Variants in AHNAK observed in about 807,000 individuals in gnomAD.
AHNAK encodes AHNAK nucleoprotein.
In AHNAK, 23 loss-of-function variants were observed where a neutral mutation model predicts 37.8. That is an observed-to-expected ratio of 0.61 (90% confidence interval 0.44 to 0.86). The LOEUF (loss-of-function observed/expected upper bound fraction) is 0.86, where lower values mean the gene tolerates loss of function less well. Among genes scored for constraint, AHNAK ranks in the 40% least tolerant of loss-of-function variants. The pLI is 0.00. For synonymous variants in AHNAK, 2,481 were observed against 2,636.3 expected (o/e 0.94, Z 1.80); for missense variants, 7,411 against 7,319.4 (o/e 1.01, Z -0.46).
At position 62,521,204 on chromosome 11, in the gene AHNAK, C is replaced by T. The variant is rs1440798130; in HGVS notation, c.13213G>A (p.Val4405Ile). Residue 4405 changes from valine (V) to isoleucine (I), a missense_variant, in exon 5 of 5, where the codon GTC (valine) becomes ATC (isoleucine). Coordinates refer to ENST00000378024, the MANE Select transcript of AHNAK (RefSeq NM_001620.3). Reference protein sequence around the residue: ...KGPKVKGDVDVSLPKVEGDLK... With the variant: ...KGPKVKGDVDISLPKVEGDLK... Reference sequence around the variant, plus strand: ...TCACCTTCCACTTTGGGCAGAGAGACATCCACATCACCTTTCACTTTGGGA... The same window carrying T: ...TCACCTTCCACTTTGGGCAGAGAGATATCCACATCACCTTTCACTTTGGGA... The T allele has an allele frequency of 3.1e-6, 5 of 1,614,048 alleles. No individual in the cohort carries two copies. The South Asian group carries it at 5.5e-5, about 18-fold the overall frequency.
intron 5 of AHNAK, among the ~76,000 whole-genome samples, chr11:62,483,601 G>T (rs1406521699): frequency 1.3e-5 from 2 of 151,522 alleles, no homozygotes; most frequent in African/African-American, 2.4e-5. Flanking sequence ...GCTCACGCCT[G>T]TAATCCCAGC....
At chr11:62,437,709 G>A (rs1395375899) in intron 5 of AHNAK, among the ~76,000 whole-genome samples, 1 of 152,146 alleles carries the variant, frequency 6.6e-6, no homozygotes, top group Non-Finnish European at 1.5e-5. Flanking sequence ...TTGTACAGCA[G>A]GCATATCTAT....
chr11:62,451,927 C>T (rs1315951171), intron 5 of AHNAK, among the ~76,000 whole-genome samples: 1 of 151,274 alleles, frequency 6.6e-6, no homozygotes, highest in African/African-American at 2.4e-5. Flanking sequence ...CCTGCCTCAG[C>T]CTCCCGAGTA....
Position 62,526,709 on chromosome 11 carries a change from G to T in AHNAK, c.7708C>A (p.Pro2570Thr). The T allele has an allele frequency of 6.2e-7, 1 of 1,612,408 alleles. No individual in the cohort carries two copies. Among genetic ancestry groups the T allele is most frequent in the East Asian group, 2.2e-5 (1 of 44,750 alleles). Reference protein sequence around the residue: ...GKLKGPKLKMPEMNIKAPKIS... With the variant: ...GKLKGPKLKMTEMNIKAPKIS... ...TTGGGGGCTTTGATGTTCATCTCTGGCATCTTTAACTTAGGCCCTTTCAAC... is the reference window on the plus strand; with the variant it reads ...TTGGGGGCTTTGATGTTCATCTCTGTCATCTTTAACTTAGGCCCTTTCAAC... The change falls in exon 5 of 5, where the codon CCA becomes ACA. Residue 2570 changes from proline (P) to threonine (T), a missense_variant. Transcript: ENST00000378024.
intron 5 of AHNAK, among the ~76,000 whole-genome samples, chr11:62,482,460 G>A (rs999475388): frequency 6.6e-6 from 1 of 151,930 alleles, no homozygotes; most frequent in Admixed American, 6.6e-5. Context: ...GAGCCCCCCT[G>A]GGTTCAAATA....
At chr11:62,482,212 C>T (rs566633015) in intron 5 of AHNAK, among the ~76,000 whole-genome samples, 4 of 152,136 alleles carry the variant, frequency 2.6e-5, no homozygotes, top group Non-Finnish European at 4.4e-5. Context: ...GCCCGGAGTT[C>T]GAGACCATCC....
At chr11:62,493,180 T>C (rs1420753587) in intron 4 of AHNAK, among the ~76,000 whole-genome samples, 1 of 150,420 alleles carries the variant, frequency 6.6e-6, no homozygotes, top group Non-Finnish European at 1.5e-5. Context: ...GCCCAGCTAA[T>C]TTTTAGTATT....
At chr11:62,433,742 G>A (rs1343146825) in exon 6 of AHNAK, 12 of 1,207,184 alleles carry the variant, frequency 9.9e-6, no homozygotes, top group Non-Finnish European at 1.3e-5. Flanking sequence ...CCGAAAAGCC[G>A]CCTCGCGGAA....
intron 5 of AHNAK, among the ~76,000 whole-genome samples, chr11:62,470,567 C>T (rs1402448136): frequency 3.9e-5 from 6 of 152,276 alleles, no homozygotes; most frequent in Non-Finnish European, 8.8e-5. Flanking sequence ...GATCGCGCCA[C>T]TGCACTCCAG....
At chr11:62,472,733 C>T (rs562500351) in intron 5 of AHNAK, among the ~76,000 whole-genome samples, 5 of 152,168 alleles carry the variant, frequency 3.3e-5, no homozygotes, top group Admixed American at 2.6e-4. Flanking sequence ...AAGCCAGACA[C>T]AAAAAGACAA....
chr11:62,498,104 C>T (rs948932921), intron 4 of AHNAK, among the ~76,000 whole-genome samples: 3 of 152,170 alleles, frequency 2.0e-5, no homozygotes, highest in Non-Finnish European at 1.5e-5. Context: ...CATGGAACAT[C>T]TCCAAAACGT....
Position 62,518,004 on chromosome 11 carries a change from G to T in AHNAK, c.16413C>A (p.Ile5471=), listed in dbSNP as rs755846926. ...VKGSLGATGE[I]KGPTVGGGLP... ...GACCTCCTCCGACAGTGGGGCCTTT[G>T]ATCTCACCAGTGGCCCCAAGGCTCC... The change falls in exon 5 of 5, where the codon ATC becomes ATA. Residue 5471 remains isoleucine, a synonymous_variant. Transcript: ENST00000378024. 2 of 1,614,160 alleles carry T rather than the reference G, an allele frequency of 1.2e-6. No individual in the cohort carries two copies. The highest frequency in any genetic ancestry group is 1.7e-6 in the Non-Finnish European group (2 of 1,180,038).
intron 4 of AHNAK, among the ~76,000 whole-genome samples, chr11:62,492,025 T>A (rs1939513041): frequency 6.6e-6 from 1 of 152,044 alleles, no homozygotes; most frequent in Non-Finnish European, 1.5e-5. Context: ...TAACAGAGAA[T>A]CTTTAGAAGA....
chr11:62,532,854 A>G lies in AHNAK; in HGVS notation c.1563T>C (p.Ser521=), dbSNP rs1177133475. Residue 521 remains serine, a synonymous_variant, in exon 5 of 5, where the codon TCT becomes TCC. Coordinates refer to ENST00000378024, the MANE Select transcript of AHNAK (RefSeq NM_001620.3). ...TAACATCACCTTGCACCCCAGGAGC[A>G]GAAACCTTAATATCTCCTTTCAGTT... ...SPKLKGDIKV[S]APGVQGDVKG... The G allele has an allele frequency of 2.5e-6, 4 of 1,614,122 alleles. No individual in the cohort carries two copies. In the Admixed American group the frequency reaches 6.7e-5, roughly 27 times the overall value.
At chr11:62,473,892 C>A (rs149913034) in intron 5 of AHNAK, among the ~76,000 whole-genome samples, 1 of 151,148 alleles carries the variant, frequency 6.6e-6, no homozygotes, top group Non-Finnish European at 1.5e-5. Context: ...CTCAGCTACT[C>A]GGGAGGCTAA....
At chr11:62,505,205 C>T (rs544085944) in intron 4 of AHNAK, among the ~76,000 whole-genome samples, 1 of 152,214 alleles carries the variant, frequency 6.6e-6, no homozygotes, top group South Asian at 2.1e-4. Flanking sequence ...GTCTTCTTTC[C>T]CACTTGCTCG....
At chr11:62,475,841 G>T (rs1474850777) in intron 5 of AHNAK, among the ~76,000 whole-genome samples, 1 of 151,854 alleles carries the variant, frequency 6.6e-6, no homozygotes, top group African/African-American at 2.4e-5. Flanking sequence ...CTGACCTCAG[G>T]TGATCCGCCC....
In AHNAK at chr11:62,532,482, A is replaced by G; in HGVS notation, c.1935T>C (p.Gly645=). 6.2e-7 allele frequency: 1 copy of G among 1,612,286 alleles called. No homozygotes were observed. The highest frequency in any genetic ancestry group is 8.5e-7 in the Non-Finnish European group (1 of 1,179,530). The change falls in exon 5 of 5, where the codon GGT becomes GGC. Residue 645 remains glycine (G), a synonymous_variant. Coordinates refer to ENST00000378024, the MANE Select transcript of AHNAK (RefSeq NM_001620.3). ...TGGGTAGAGTCATATGAACATCTGG[A>G]CCTTCCCCTTTGGCTCCTGGAGTGC... ...TFSTPGAKGE[G]PDVHMTLPKG...
Position 62,531,951 on chromosome 11 carries a change from A to G in AHNAK, c.2466T>C (p.Asp822=), listed in dbSNP as rs1220936342. The part of the protein sequence containing the change: ...NIKVPKISMP[D]VDLHLKGPNV... ...TAGGGCCTTTCAGATGTAAGTCCAC[A>G]TCAGGCATGGAGATCTTGGGGACTT... The change falls in exon 5 of 5, where the codon GAT becomes GAC. Residue 822 remains aspartate, a synonymous_variant. Coordinates refer to ENST00000378024, the MANE Select transcript of AHNAK (RefSeq NM_001620.3). The G allele has an allele frequency of 6.2e-7, 1 of 1,614,002 alleles. No homozygotes were observed. Among genetic ancestry groups the G allele is most frequent in the African/African-American group, 1.3e-5 (1 of 74,886 alleles).
Sources: gnomAD v4.1 joint callset for allele counts (sites outside exome capture counted in the v4.1 genomes callset) on GRCh38, gnomAD v4.1.1 for gene constraint, MANE v1.5 for transcripts, NCBI Gene and HGNC (gene_info 2026-07-23, HGNC 2026-07-21) for gene names.